The following IMPG1 variants were observed in gnomAD, a reference collection of about 807,000 sequenced individuals.
The protein encoded by IMPG1 is interphotoreceptor matrix proteoglycan of 150 kDa.
In IMPG1, 85 loss-of-function variants were observed where a neutral mutation model predicts 92.0. The ratio of observed to expected loss-of-function variants is 0.92; its 90% confidence interval spans 0.78 to 1.11. The LOEUF (loss-of-function observed/expected upper bound fraction) is 1.11, where lower values mean the gene tolerates loss of function less well. IMPG1 is among the 50% of genes least tolerant of loss of function. The pLI is 0.00. For synonymous variants in IMPG1, 367 were observed against 334.1 expected, an observed-to-expected ratio of 1.10 and a Z score of -1.08; for missense variants, 1,022 against 956.0, an observed-to-expected ratio of 1.07 and a Z score of -0.91.
At position 76,017,437 on chromosome 6, in the gene IMPG1, C is replaced by T. The variant is rs537010113; in HGVS notation, c.807+1281G>A. ...TGAAAAATATTGTGTCTTTAAATTGCATCAAACTGTAAAAATAGAAATATT... is the reference window on the plus strand; with the variant it reads ...TGAAAAATATTGTGTCTTTAAATTGTATCAAACTGTAAAAATAGAAATATT... On this transcript the variant is annotated intron_variant, in intron 7 of 16. Transcript: ENST00000369950. Among the ~76,000 whole-genome samples the T allele has an allele frequency of 2.0e-5, 3 of 152,208 alleles. No individual in the cohort carries two copies. The East Asian group carries it at 5.8e-4, about 29-fold the overall frequency.
At chr6:76,030,771 C>T (rs548565638) in intron 4 of IMPG1, among the ~76,000 whole-genome samples, 1 of 152,148 alleles carries the variant, frequency 6.6e-6, no homozygotes, top group Admixed American at 6.5e-5. Flanking sequence ...CAGCAGGAAG[C>T]AGTTAAGATT....
intron 1 of IMPG1, among the ~76,000 whole-genome samples, chr6:76,060,233 T>C (rs139707560): frequency 2.0e-4 from 30 of 152,320 alleles, no homozygotes; most frequent in African/African-American, 6.5e-4. Flanking sequence ...CAAGAATGAG[T>C]GAATGTAAAT....
intron 1 of IMPG1, among the ~76,000 whole-genome samples, chr6:76,061,572 A>G (rs1784205849): frequency 6.6e-6 from 1 of 152,242 alleles, no homozygotes; most frequent in East Asian, 1.9e-4. Context: ...AGCTACTAAA[A>G]TAATTATCCT....
At chr6:76,006,753 G>A (rs1783106001) in intron 9 of IMPG1, among the ~76,000 whole-genome samples, 1 of 151,996 alleles carries the variant, frequency 6.6e-6, no homozygotes, top group African/African-American at 2.4e-5. Context: ...CAGGACATAG[G>A]TAACTGTATT....
At chr6:75,995,316 T>C (rs1782877582) in intron 12 of IMPG1, among the ~76,000 whole-genome samples, 1 of 152,172 alleles carries the variant, frequency 6.6e-6, no homozygotes, top group Non-Finnish European at 1.5e-5. Context: ...AAACCTAAAT[T>C]TGAGGTGTCA....
Position 76,042,041 on chromosome 6 carries a change from C to G in IMPG1, c.153G>C (p.Met51Ile), listed in dbSNP as rs1162111379. The change falls in exon 2 of 17, where the codon ATG becomes ATC. Residue 51 changes from methionine to isoleucine, a missense_variant. Around this residue, in one of 3 missense-constraint regions of IMPG1, gnomAD observed 681 missense variants for 583.6 expected, o/e 1.17. Coordinates refer to ENST00000369950, the MANE Select transcript of IMPG1 (RefSeq NM_001563.4). ...TTCGTCTCATAGTTGACATTTTGTA[C>G]ATTTTTTCAGTACTTTCAGTTGTTT... ...RNETTESTEK[M>I]YKMSTMRRIF... 3 of 1,612,522 alleles carry G rather than the reference C, an allele frequency of 1.9e-6. No homozygotes were observed. The Admixed American group carries it at 5.0e-5, about 27-fold the overall frequency.
chr6:76,009,096 T>C (rs1783143515), intron 8 of IMPG1, among the ~76,000 whole-genome samples: 1 of 152,168 alleles, frequency 6.6e-6, no homozygotes, highest in Non-Finnish European at 1.5e-5. Context: ...TATATGACAA[T>C]TTGTTGCCCT....
intron 14 of IMPG1, among the ~76,000 whole-genome samples, chr6:75,939,895 A>C (rs1781810038): frequency 6.6e-6 from 1 of 152,154 alleles, no homozygotes; most frequent in Non-Finnish European, 1.5e-5. Context: ...GTCCGTTTCC[A>C]TTTCATTCTA....
intron 14 of IMPG1, among the ~76,000 whole-genome samples, chr6:75,945,261 A>T (rs1195198957): frequency 6.6e-6 from 1 of 152,174 alleles, no homozygotes; most frequent in Non-Finnish European, 1.5e-5. Flanking sequence ...AAGTAACTAG[A>T]ATTTGTCAAG....
chr6:76,007,936 C>T (rs1783124851), intron 8 of IMPG1, among the ~76,000 whole-genome samples: 1 of 152,056 alleles, frequency 6.6e-6, no homozygotes, highest in Admixed American at 6.6e-5. Flanking sequence ...TTAGTTTATT[C>T]CTGAAGATAA....
intron 2 of IMPG1, among the ~76,000 whole-genome samples, chr6:76,036,089 G>T (rs1269925388): frequency 1.3e-5 from 2 of 152,184 alleles, no homozygotes; most frequent in Non-Finnish European, 2.9e-5. Context: ...TTTATGTAAA[G>T]AAGTTTTCTC....
chr6:75,923,839 TC>T lies in IMPG1; in HGVS notation c.2244-134del, dbSNP rs1412069252. On this transcript the variant is annotated intron_variant, in intron 15 of 16. Coordinates refer to ENST00000369950, the MANE Select transcript of IMPG1 (RefSeq NM_001563.4). ...AGATAGCATATTTTTGCAGGTGTCTTCCGTTTGAGTTGGAAGAAGTGTGCTT... is the reference window on the plus strand; with the variant it reads ...AGATAGCATATTTTTGCAGGTGTCTTCGTTTGAGTTGGAAGAAGTGTGCTT... The T allele has an allele frequency of 5.6e-5, 32 of 575,070 alleles. No homozygotes were observed. In the South Asian group the frequency reaches 6.3e-4, roughly 11 times the overall value. The allele number at this position is 575,070 out of a possible 1,614,324, so 35.6% of individuals were successfully genotyped here.
intron 12 of IMPG1, among the ~76,000 whole-genome samples, chr6:75,985,071 C>T (rs944077838): frequency 1.8e-4 from 28 of 152,142 alleles, no homozygotes; most frequent in African/African-American, 6.8e-4. Context: ...CAATGTTGCA[C>T]ACAATAAATA....
At chr6:76,009,389 A>G (rs1309317982) in intron 8 of IMPG1, among the ~76,000 whole-genome samples, 2 of 152,216 alleles carry the variant, frequency 1.3e-5, no homozygotes, top group African/African-American at 2.4e-5. Context: ...ATCAACCTTT[A>G]TACAAATGAG....
At chr6:75,978,070 G>A (rs891811335) in intron 12 of IMPG1, among the ~76,000 whole-genome samples, 1 of 151,872 alleles carries the variant, frequency 6.6e-6, no homozygotes, top group Non-Finnish European at 1.5e-5. Flanking sequence ...GATTATAGGG[G>A]GAGCTATGGT....
intron 12 of IMPG1, among the ~76,000 whole-genome samples, chr6:75,974,375 CTTTCT>C (rs1554230304): frequency 3.6e-5 from 3 of 83,416 alleles, no homozygotes; most frequent in South Asian, 4.3e-4. Flanking sequence ...TTCTTTCTTT[CTTTCT>C]TTCTTTCTTT....
intron 12 of IMPG1, among the ~76,000 whole-genome samples, chr6:75,970,649 A>G (rs188659973): frequency 4.5e-4 from 69 of 152,298 alleles, no homozygotes; most frequent in Non-Finnish European, 3.2e-4. Context: ...GTGGCCTTAA[A>G]ATTCGTAATT....
intron 1 of IMPG1, among the ~76,000 whole-genome samples, chr6:76,068,213 A>C (rs1351366075): frequency 3.3e-5 from 5 of 152,124 alleles, no homozygotes; most frequent in Admixed American, 1.3e-4. Context: ...GAAAGAAATA[A>C]AGTATTCCAA....
chr6:75,981,231 C>T (rs1334995343), intron 12 of IMPG1, among the ~76,000 whole-genome samples: 1 of 152,132 alleles, frequency 6.6e-6, no homozygotes, highest in Non-Finnish European at 1.5e-5. Context: ...ACATTCTATG[C>T]TTAATACCAA....
Sources: gnomAD v4.1 joint callset for allele counts (sites outside exome capture counted in the v4.1 genomes callset) on GRCh38, gnomAD v4.1.1 for gene constraint, gnomAD v4.1.1 regional missense constraint, MANE v1.5 for transcripts, NCBI Gene and HGNC (gene_info 2026-07-23, HGNC 2026-07-21) for gene names.